ZHX2: variants seen among roughly 807,000 people sequenced by gnomAD.
ZHX2 encodes zinc fingers and homeoboxes protein 2.
A neutral mutation model predicts 21.9 loss-of-function variants in ZHX2; 6 were observed. The ratio of observed to expected loss-of-function variants is 0.27; its 90% confidence interval spans 0.15 to 0.54. The LOEUF (loss-of-function observed/expected upper bound fraction) is 0.54. Ranked by LOEUF, ZHX2 falls within the 20% of genes least tolerant of loss-of-function variation. ZHX2 has a pLI of 0.95. For missense variants in ZHX2, 908 were observed against 1,090.7 expected (o/e 0.83, Z 2.36); for synonymous variants, 434 against 437.1 (o/e 0.99, Z 0.09).
Position 122,937,798 on chromosome 8 carries a change from C to T in ZHX2, c.-219-13494C>T, listed in dbSNP as rs190879587. Among the ~76,000 whole-genome samples, 812 of 152,000 alleles carry T rather than the reference C, an allele frequency of 5.3e-3. 32 individuals are homozygous for T. The highest frequency in any genetic ancestry group is 0.049 in the Admixed American group (754 of 15,246). On this transcript the variant is annotated intron_variant, in intron 2 of 3. Transcript: ENST00000314393. ...TTCACCATGTTGGCTAGGCCAGTCTCGAGCTCCTCCTGAACTCAAGCAATC... is the reference window on the plus strand; with the variant it reads ...TTCACCATGTTGGCTAGGCCAGTCTTGAGCTCCTCCTGAACTCAAGCAATC...
At chr8:122,934,082 G>A (rs1038190204) in intron 2 of ZHX2, among the ~76,000 whole-genome samples, 1 of 152,224 alleles carries the variant, frequency 6.6e-6, no homozygotes, top group East Asian at 1.9e-4. Flanking sequence ...ACGTTTGCAG[G>A]TACCTGGCAT....
chr8:122,884,112 C>T (rs1396983280), intron 2 of ZHX2, among the ~76,000 whole-genome samples: 1 of 152,160 alleles, frequency 6.6e-6, no homozygotes, highest in African/African-American at 2.4e-5. Flanking sequence ...CTAAACACTG[C>T]AGGCAACTGT....
At chr8:122,853,822 A>G (rs1214301010) in intron 1 of ZHX2, among the ~76,000 whole-genome samples, 2 of 151,944 alleles carry the variant, frequency 1.3e-5, no homozygotes, top group African/African-American at 2.4e-5. Context: ...ACTCTCCAAC[A>G]AAGTTACAGA....
chr8:122,800,145 C>T lies in ZHX2; in HGVS notation c.-283+18199C>T, dbSNP rs1205057935. ...TGCTAGGATTATAGGCGTGAGCCACCGCGCCTGGCCTAAATTTATTTTTGA... is the reference window on the plus strand; with the variant it reads ...TGCTAGGATTATAGGCGTGAGCCACTGCGCCTGGCCTAAATTTATTTTTGA... On this transcript the variant is annotated intron_variant, in intron 1 of 3. Coordinates refer to ENST00000314393, the MANE Select transcript of ZHX2 (RefSeq NM_014943.5). Among the ~76,000 whole-genome samples, 16 of 152,224 alleles carry T rather than the reference C, an allele frequency of 1.1e-4. No individual in the cohort carries two copies. The East Asian group carries it at 1.7e-3, about 16-fold the overall frequency.
chr8:122,855,435 A>G (rs1044202801), intron 1 of ZHX2, among the ~76,000 whole-genome samples: 25 of 152,122 alleles, frequency 1.6e-4, no homozygotes, highest in African/African-American at 5.8e-4. Context: ...TGGCCGGGTC[A>G]GAGTGTGCCC....
chr8:122,916,750 G>A (rs1399943494), intron 2 of ZHX2, among the ~76,000 whole-genome samples: 3 of 151,764 alleles, frequency 2.0e-5, no homozygotes, highest in African/African-American at 4.8e-5. Context: ...CCATCCTATC[G>A]TTTAACCTTT....
rs145612860 is a variant in ZHX2, at chr8:122,936,548, G to A, written c.-219-14744G>A. Among the ~76,000 whole-genome samples the A allele has an allele frequency of 2.0e-3, 310 of 152,312 alleles. 2 individuals carry two copies. The highest frequency in any genetic ancestry group is 3.8e-3 in the Non-Finnish European group (257 of 68,016). Reference sequence around the variant, plus strand: ...TGGCAGGAAAAGGCTGAGAACTGCTGTTTTAGAAAGGAATGGTGGCAGCGA... The same window carrying A: ...TGGCAGGAAAAGGCTGAGAACTGCTATTTTAGAAAGGAATGGTGGCAGCGA... On this transcript the variant is annotated intron_variant, in intron 2 of 3. Coordinates refer to ENST00000314393, the MANE Select transcript of ZHX2 (RefSeq NM_014943.5).
chr8:122,867,271 A>G (rs1235943767), intron 2 of ZHX2, among the ~76,000 whole-genome samples: 1 of 152,212 alleles, frequency 6.6e-6, no homozygotes, highest in Admixed American at 6.5e-5. Flanking sequence ...AACCCAAGTG[A>G]GTGAAAAGTC....
chr8:122,952,338 G>C lies in ZHX2; in HGVS notation c.828G>C (p.Thr276=), dbSNP rs140865098. 62 of 1,613,988 alleles carry C rather than the reference G, an allele frequency of 3.8e-5. No homozygotes were observed. The highest frequency in any genetic ancestry group is 4.9e-5 in the Non-Finnish European group (58 of 1,180,022). ...ACTCTGCCCTGGATACAAATGCCAC[G>C]ATGATCAACTCTTTCAACAAGTTTC... ...KYNSALDTNA[T]MINSFNKFPY... The change falls in exon 3 of 4, where the codon ACG becomes ACC. Residue 276 remains threonine, a synonymous_variant. Transcript: ENST00000314393. This position sits in a 1 kb window ranked among gnomAD's most constrained non-coding sequence, Gnocchi z 6.9.
chr8:122,843,935 C>T (rs1818693867), intron 1 of ZHX2, among the ~76,000 whole-genome samples: 1 of 149,396 alleles, frequency 6.7e-6, no homozygotes, highest in South Asian at 2.1e-4. Flanking sequence ...GCTTTTTCTA[C>T]ACTTCGCTTT....
intron 3 of ZHX2, among the ~76,000 whole-genome samples, chr8:122,972,685 G>A (rs568611865): frequency 2.0e-5 from 3 of 152,258 alleles, no homozygotes; most frequent in Non-Finnish European, 2.9e-5. Context: ...TACTTACCAT[G>A]TGCCAGGCAC....
intron 2 of ZHX2, among the ~76,000 whole-genome samples, chr8:122,879,778 C>T (rs1169192932): frequency 6.6e-6 from 1 of 152,096 alleles, no homozygotes; most frequent in Non-Finnish European, 1.5e-5. Context: ...ATTCTGTTTC[C>T]TGCCAACATG....
chr8:122,802,949 TCCCAC>T (rs1243185448), intron 1 of ZHX2, among the ~76,000 whole-genome samples: 168 of 146,234 alleles, frequency 1.1e-3, no homozygotes, highest in Admixed American at 3.3e-3. Flanking sequence ...CTGCCCCCAC[TCCCAC>T]CCCACCCCAC....
chr8:122,964,674 G>A (rs1004312331), intron 3 of ZHX2, among the ~76,000 whole-genome samples: 5 of 151,724 alleles, frequency 3.3e-5, no homozygotes, highest in Middle Eastern at 3.2e-3. Context: ...GATTTAGGGA[G>A]GATTCCTTTT....
intron 1 of ZHX2, among the ~76,000 whole-genome samples, chr8:122,861,410 T>A (rs1323616362): frequency 1.3e-5 from 2 of 152,224 alleles, no homozygotes; most frequent in African/African-American, 4.8e-5. Flanking sequence ...ATGTCTGATA[T>A]AACATAATGA....
rs1189205979 is a variant in ZHX2, at chr8:122,953,359, C to G, written c.1849C>G (p.Leu617Val). 6.2e-7 allele frequency: 1 copy of G among 1,614,124 alleles called. No individual in the cohort carries two copies. Among genetic ancestry groups the G allele is most frequent in the Non-Finnish European group, 8.5e-7 (1 of 1,180,040 alleles). ...TGGTGCTCTGTCTCGACTCGACCAG[C>G]TCTCCGGTGCCCAGTTAACAAGTTC... is the stretch of plus-strand genomic sequence containing the variant. The part of the protein sequence containing the change: ...PNGALSRLDQ[L>V]SGAQLTSSLP... Residue 617 changes from leucine to valine, a missense_variant, in exon 3 of 4, where the codon CTC (leucine) becomes GTC (valine). Leu to Val is a conservative substitution (Grantham distance 32). Around this residue, in one of 4 missense-constraint regions of ZHX2, gnomAD observed 431 missense variants for 428.6 expected, o/e 1.01. Coordinates refer to ENST00000314393, the MANE Select transcript of ZHX2 (RefSeq NM_014943.5). This position sits in a 1 kb window ranked among gnomAD's most constrained non-coding sequence, Gnocchi z 4.6.
intron 2 of ZHX2, among the ~76,000 whole-genome samples, chr8:122,877,206 C>T (rs1819593140): frequency 6.6e-6 from 1 of 152,194 alleles, no homozygotes; most frequent in South Asian, 2.1e-4. Flanking sequence ...GATAATAACA[C>T]TATCTACCTT....
Position 122,973,643 on chromosome 8 carries a change from C to T in ZHX2, c.*406C>T, listed in dbSNP as rs1351615584. The T allele has an allele frequency of 6.6e-6, 1 of 152,534 alleles. No homozygotes were observed. The highest frequency in any genetic ancestry group is 2.4e-5 in the African/African-American group (1 of 41,414). The allele number at this position is 152,534 out of a possible 1,614,324, so 9.4% of individuals were successfully genotyped here. On this transcript the variant is annotated 3_prime_UTR_variant, in exon 4 of 4. Transcript: ENST00000314393. The stretch of plus-strand genomic sequence containing the variant: ...GGAGGGCTAACCACCTTGCTTTTCT[C>T]TTTTCTCTTTTTCTTTTTTTTATTT...
intron 1 of ZHX2, among the ~76,000 whole-genome samples, chr8:122,790,204 G>GA (rs1176870271): frequency 6.6e-6 from 1 of 152,074 alleles, no homozygotes; most frequent in Non-Finnish European, 1.5e-5. Flanking sequence ...TGCTCTAGCT[G>GA]AAAAAAAATT....
Sources: allele counts gnomAD v4.1 joint callset (sites outside exome capture counted in the v4.1 genomes callset), GRCh38; gene constraint gnomAD v4.1.1; regional missense constraint gnomAD v4.1.1; non-coding constraint Gnocchi (gnomAD v3.1); transcripts MANE v1.5; gene names NCBI Gene and HGNC (gene_info 2026-07-23, HGNC 2026-07-21).